Variants in SGK3 observed in about 807,000 individuals in gnomAD.
The protein encoded by SGK3 is serum/glucocorticoid regulated kinase family member 3.
In SGK3, 47 loss-of-function variants were observed where a neutral mutation model predicts 68.5. The observed-to-expected ratio is 0.69, with a 90% CI of 0.54 to 0.87. The LOEUF (loss-of-function observed/expected upper bound fraction) is 0.87, where lower values mean the gene tolerates loss of function less well. Among genes scored for constraint, SGK3 ranks in the 40% least tolerant of loss-of-function variants. The pLI is 0.00. For synonymous variants in SGK3, 181 were observed against 189.1 expected, an observed-to-expected ratio of 0.96 and a Z score of 0.35; for missense variants, 479 against 575.5, an observed-to-expected ratio of 0.83 and a Z score of 1.72.
chr8:66,743,440 C>CA lies in SGK3; in HGVS notation c.-122+30608dup, dbSNP rs367876070. On this transcript the variant is annotated intron_variant, in intron 1 of 16. Transcript: ENST00000521198. Reference sequence around the variant, plus strand: ...ATATTACTTAAGGACAGGGACTTCTCACTCAGGCTGTAAATATTCCACCCT... The same window carrying CA: ...ATATTACTTAAGGACAGGGACTTCTCAACTCAGGCTGTAAATATTCCACCCT... Among the ~76,000 whole-genome samples, 155 of 152,236 alleles carry CA rather than the reference C, an allele frequency of 1.0e-3. 1 individual carries two copies. Among genetic ancestry groups the CA allele is most frequent in the African/African-American group, 3.6e-3 (151 of 41,586 alleles).
chr8:66,824,531 T>C (rs1417791480), intron 6 of SGK3, among the ~76,000 whole-genome samples: 1 of 152,194 alleles, frequency 6.6e-6, no homozygotes, highest in Non-Finnish European at 1.5e-5. Context: ...TTGGTCATCA[T>C]TGGTGTCATA....
chr8:66,731,720 G>A (rs1317316618), intron 1 of SGK3, among the ~76,000 whole-genome samples: 3 of 152,224 alleles, frequency 2.0e-5, no homozygotes, highest in African/African-American at 4.8e-5. Context: ...ATTTTTAGTA[G>A]AGACAGGGTT....
intron 1 of SGK3, among the ~76,000 whole-genome samples, chr8:66,715,261 C>G (rs929439982): frequency 1.4e-5 from 2 of 143,760 alleles, no homozygotes; most frequent in Non-Finnish European, 3.0e-5. Flanking sequence ...TTCTTTCTTT[C>G]TTTGTTTTTT....
chr8:66,720,694 C>T (rs562352846), intron 1 of SGK3, among the ~76,000 whole-genome samples: 2 of 151,812 alleles, frequency 1.3e-5, no homozygotes, highest in East Asian at 1.9e-4. Flanking sequence ...TGCTTGAACC[C>T]GGGAGGTGGA....
At chr8:66,741,717 A>G (rs1805485033) in intron 1 of SGK3, among the ~76,000 whole-genome samples, 1 of 152,150 alleles carries the variant, frequency 6.6e-6, no homozygotes, top group Non-Finnish European at 1.5e-5. Context: ...AAATTCAAAA[A>G]AATAAGAAAA....
At chr8:66,856,525 C>T (rs1810515042) in intron 16 of SGK3, among the ~76,000 whole-genome samples, 1 of 152,142 alleles carries the variant, frequency 6.6e-6, no homozygotes, top group African/African-American at 2.4e-5. Flanking sequence ...TCAAAATGCT[C>T]CAGTGACTGT....
chr8:66,732,488 CA>C (rs778231884), intron 1 of SGK3, among the ~76,000 whole-genome samples: 4,535 of 93,306 alleles, frequency 0.049, 63 homozygotes, highest in Middle Eastern at 0.071. Context: ...ACTCTGTCTC[CA>C]AAAAAAAAAA....
Position 66,828,707 on chromosome 8 carries a change from T to C in SGK3, c.467+4T>C. 3.1e-6 allele frequency: 5 copies of C among 1,613,968 alleles called. No homozygotes were observed. The highest frequency in any genetic ancestry group is 4.2e-6 in the Non-Finnish European group (5 of 1,180,004). ...TGGGACCGTCTGGAAATCCTCAGTA[T>C]GTTTAATTTGCTTCAAACAATTTTT... On this transcript the variant is annotated splice_donor_region_variant and intron_variant, in intron 7 of 16. Transcript: ENST00000521198.
intron 8 of SGK3, among the ~76,000 whole-genome samples, chr8:66,833,253 G>A (rs1809375662): frequency 6.6e-6 from 1 of 152,092 alleles, no homozygotes; most frequent in Admixed American, 6.6e-5. Context: ...TGATCTGCCT[G>A]CCTCGGCCTC....
intron 8 of SGK3, among the ~76,000 whole-genome samples, chr8:66,834,678 A>G (rs945737287): frequency 2.0e-5 from 3 of 152,160 alleles, no homozygotes; most frequent in African/African-American, 7.2e-5. Flanking sequence ...GCACGCCTGT[A>G]ATCTCAGCAC....
At chr8:66,837,487 A>T (rs1216056943) in intron 10 of SGK3, among the ~76,000 whole-genome samples, 1 of 152,198 alleles carries the variant, frequency 6.6e-6, no homozygotes, top group Admixed American at 6.6e-5. Context: ...TCTGTCACAA[A>T]AGTCCCTTAA....
At position 66,720,781 on chromosome 8, in the gene SGK3, T is replaced by TTATATATATATATATATA. The variant is rs758419858; in HGVS notation, c.-122+7962_-122+7963insTATATATATATATATATA. ...GCAAAACTCTGTCTCAAAAAAAAAA[T>TTATATATATATATATATA]TATATATATATATAATTAGCCAGGT... On this transcript the variant is annotated intron_variant, in intron 1 of 16. Transcript: ENST00000521198. 7.4e-4 allele frequency among the ~76,000 whole-genome samples: 109 copies of TTATATATATATATATATA among 146,322 alleles called. 2 individuals are homozygous for TTATATATATATATATATA. Among genetic ancestry groups the TTATATATATATATATATA allele is most frequent in the African/African-American group, 1.9e-3 (70 of 37,730 alleles).
intron 1 of SGK3, among the ~76,000 whole-genome samples, chr8:66,789,727 G>A (rs1807358194): frequency 6.6e-6 from 1 of 152,108 alleles, no homozygotes; most frequent in African/African-American, 2.4e-5. Flanking sequence ...ATTGCTGCAG[G>A]TCCTTCTCAG....
At chr8:66,748,061 A>T (rs113648825) in intron 1 of SGK3, among the ~76,000 whole-genome samples, 1 of 152,116 alleles carries the variant, frequency 6.6e-6, no homozygotes, top group Non-Finnish European at 1.5e-5. Flanking sequence ...TTGGGATTAC[A>T]TGAGGTAATG....
Position 66,843,454 on chromosome 8 carries a change from T to A in SGK3, c.981T>A (p.Tyr327Ter). 1 of 1,613,066 alleles carries A rather than the reference T, an allele frequency of 6.2e-7. No individual in the cohort carries two copies. Among genetic ancestry groups the A allele is most frequent in the Non-Finnish European group, 8.5e-7 (1 of 1,179,748 alleles). The change falls in exon 14 of 17, where the codon TAT becomes TAA. Residue 327 changes from tyrosine (Y) to a stop codon, truncating the protein, a stop_gained and splice_region_variant. Transcript: ENST00000521198. LOFTEE classifies it high-confidence loss of function. ...TTTTFCGTPE[Y>*]LAPEVIRKQP... is the part of the protein sequence containing the mutation. ...TAATATTTTATTGTTTTCTATAGTA[T>A]CTTGCACCTGAAGTAATTAGAAAAC...
intron 2 of SGK3, among the ~76,000 whole-genome samples, chr8:66,795,001 T>C (rs1807618678): frequency 6.6e-6 from 1 of 152,232 alleles, no homozygotes; most frequent in African/African-American, 2.4e-5. Flanking sequence ...TTGATAGCTG[T>C]AGAGCCCCCT....
intron 12 of SGK3, 81 bp from the exon 13 acceptor site, chr8:66,840,941 CAA>C (rs200796293): frequency 0.016 from 12,128 of 741,846 alleles, no homozygotes; most frequent in South Asian, 0.028. Context: ...GACTCTGTTT[CAA>C]AAAAAAAAAA....
At chr8:66,811,191 AT>A (rs921329073) in intron 4 of SGK3, among the ~76,000 whole-genome samples, 9 of 151,986 alleles carry the variant, frequency 5.9e-5, no homozygotes, top group Non-Finnish European at 1.2e-4. Context: ...AATTTTTAAA[AT>A]TTTTTTGTAG....
intron 1 of SGK3, among the ~76,000 whole-genome samples, chr8:66,776,023 T>C (rs1457685269): frequency 1.3e-5 from 2 of 152,236 alleles, no homozygotes; most frequent in Admixed American, 1.3e-4. Context: ...CAATAAACTT[T>C]GGCTGTTTTC....
Sources: gnomAD v4.1 joint callset for allele counts (sites outside exome capture counted in the v4.1 genomes callset) on GRCh38, gnomAD v4.1.1 for gene constraint, MANE v1.5 for transcripts, NCBI Gene and HGNC (gene_info 2026-07-23, HGNC 2026-07-21) for gene names.